The following LEF1 variants were observed in gnomAD, a reference collection of about 807,000 sequenced individuals.
LEF1 encodes the protein lymphoid enhancer binding factor 1, also known as lymphoid enhancer-binding factor 1.
A neutral mutation model predicts 51.2 loss-of-function variants in LEF1; 14 were observed. The observed-to-expected ratio is 0.27, with a 90% CI of 0.18 to 0.43. The LOEUF (loss-of-function observed/expected upper bound fraction) is 0.43, where lower values mean the gene tolerates loss of function less well. Ranked by LOEUF, LEF1 falls within the 20% of genes least tolerant of loss-of-function variation. The pLI is 1.00. For missense variants in LEF1, 386 were observed against 512.0 expected, an observed-to-expected ratio of 0.75 and a Z score of 2.37; for synonymous variants, 185 against 183.2, an observed-to-expected ratio of 1.01 and a Z score of -0.08.
rs545621466 is a variant in LEF1, at chr4:108,104,448, AAAT to A, written c.415-15194_415-15192del. 3.6e-3 allele frequency among the ~76,000 whole-genome samples: 527 copies of A among 147,952 alleles called. 3 individuals are homozygous for A. The highest frequency in any genetic ancestry group is 0.012 in the African/African-American group (497 of 40,778). ...ATTTATATATATATAAAAATACAAT[AAAT>A]ATTATATATAAATTATATATATAAA... On this transcript the variant is annotated intron_variant, in intron 3 of 11. Transcript: ENST00000265165.
At chr4:108,079,644 T>C (rs201030034) in intron 6 of LEF1, 30 bp from the exon 7 acceptor site, 530 of 1,613,168 alleles carry the variant, frequency 3.3e-4, no homozygotes, top group South Asian at 4.6e-4. Context: ...GAAAACAATG[T>C]ACTACTGGCT....
At chr4:108,083,282 T>A in intron 5 of LEF1, 74 bp downstream of exon 5, 1 of 1,013,920 alleles carries the variant, frequency 9.9e-7, no homozygotes, top group Non-Finnish European at 1.6e-6. Flanking sequence ...CATTCATAAA[T>A]CTAATTTCCA....
At chr4:108,112,639 C>T (rs1741602570) in intron 3 of LEF1, among the ~76,000 whole-genome samples, 1 of 152,114 alleles carries the variant, frequency 6.6e-6, no homozygotes, top group Admixed American at 6.6e-5. Flanking sequence ...ATTAAGTGAG[C>T]TGCTATTAGT....
At chr4:108,149,453 C>T (rs866559233) in intron 3 of LEF1, among the ~76,000 whole-genome samples, 27 of 28,084 alleles carry the variant, frequency 9.6e-4, no homozygotes, top group East Asian at 6.5e-3. Context: ...AGCGAGACTC[C>T]GTCTCAAAAA....
intron 3 of LEF1, among the ~76,000 whole-genome samples, chr4:108,102,904 C>A (rs1013695671): frequency 6.6e-6 from 1 of 152,076 alleles, no homozygotes; most frequent in Non-Finnish European, 1.5e-5. Context: ...CTTCCATGAC[C>A]CTTATCTCAT....
chr4:108,076,124 C>G (rs929699633), intron 8 of LEF1, among the ~76,000 whole-genome samples: 2 of 152,214 alleles, frequency 1.3e-5, no homozygotes, highest in Non-Finnish European at 2.9e-5. Context: ...TCTACTTACT[C>G]TCACATCTCA....
chr4:108,059,608 C>T (rs577422211), intron 11 of LEF1, among the ~76,000 whole-genome samples: 2 of 152,316 alleles, frequency 1.3e-5, no homozygotes, highest in Admixed American at 1.3e-4. Context: ...GCATGAGCCA[C>T]TGCTTCTAGC....
At chr4:108,060,710 C>A (rs992338100) in intron 11 of LEF1, among the ~76,000 whole-genome samples, 1 of 152,034 alleles carries the variant, frequency 6.6e-6, no homozygotes, top group African/African-American at 2.4e-5. Flanking sequence ...AAGTTACTCC[C>A]TAACTTATTT....
At chr4:108,126,320 CTGAT>C (rs1742523045) in intron 3 of LEF1, among the ~76,000 whole-genome samples, 1 of 152,082 alleles carries the variant, frequency 6.6e-6, no homozygotes. Context: ...AGGACTTAAA[CTGAT>C]TACAGAATTT....
At chr4:108,075,914 T>C (rs561776926) in intron 8 of LEF1, among the ~76,000 whole-genome samples, 3 of 152,218 alleles carry the variant, frequency 2.0e-5, no homozygotes, top group Non-Finnish European at 4.4e-5. Flanking sequence ...CTCAGGATCA[T>C]ATACATTCTT....
intron 3 of LEF1, among the ~76,000 whole-genome samples, chr4:108,160,319 G>C (rs529166352): frequency 6.6e-6 from 1 of 152,302 alleles, no homozygotes; most frequent in South Asian, 2.1e-4. Flanking sequence ...ATAAAGTTCA[G>C]AGAACGAAAG....
Position 108,154,443 on chromosome 4 carries a change from C to CAAAAA in LEF1, c.414+9120_414+9124dup, listed in dbSNP as rs10672899. 1.9e-3 allele frequency among the ~76,000 whole-genome samples: 136 copies of CAAAAA among 71,838 alleles called. 2 individuals carry two copies. Among genetic ancestry groups the CAAAAA allele is most frequent in the Middle Eastern group, 8.9e-3 (1 of 112 alleles). 47.1% of individuals were successfully genotyped at this position (71,838 alleles called of 152,430 possible). The stretch of plus-strand genomic sequence containing the variant: ...CACAGTATGTAGCACAAGGTAGTAG[C>CAAAAA]AAAAAAAAAAAAAAAAAAAAAAATC... On this transcript the variant is annotated intron_variant, in intron 3 of 11. Coordinates refer to ENST00000265165, the MANE Select transcript of LEF1 (RefSeq NM_016269.5).
chr4:108,157,142 T>C, intron 3 of LEF1, among the ~76,000 whole-genome samples: 1 of 147,552 alleles, frequency 6.8e-6, no homozygotes, highest in Non-Finnish European at 1.5e-5. Flanking sequence ...TATATCTACC[T>C]CTTCATTCTC....
At chr4:108,154,513 T>A (rs1744569601) in intron 3 of LEF1, among the ~76,000 whole-genome samples, 1 of 146,970 alleles carries the variant, frequency 6.8e-6, no homozygotes, top group Non-Finnish European at 1.5e-5. Context: ...CCAAAAAACT[T>A]GAGTTTTAAC....
intron 3 of LEF1, among the ~76,000 whole-genome samples, chr4:108,130,035 C>T (rs543322186): frequency 6.6e-6 from 1 of 152,276 alleles, no homozygotes; most frequent in African/African-American, 2.4e-5. Context: ...ATAGTGATCC[C>T]ATTTTTCATT....
At chr4:108,107,450 A>C (rs994336846) in intron 3 of LEF1, among the ~76,000 whole-genome samples, 1 of 152,082 alleles carries the variant, frequency 6.6e-6, no homozygotes, top group Non-Finnish European at 1.5e-5. Flanking sequence ...ATGCTTTCCA[A>C]AATTTTTATC....
chr4:108,079,512 A>G lies in LEF1; in HGVS notation c.825T>C (p.Thr275=). ...CTTACACGTGCATTAGGTCACTGTC[A>G]GTGTGGGGATGTTCCTGTTTGACCT... is the stretch of plus-strand genomic sequence containing the variant. ...TPQVKQEHPH[T]DSDLMHVKPQ... is the part of the protein sequence containing the mutation. Residue 275 remains threonine, a synonymous_variant, in exon 7 of 12, where the codon ACT becomes ACC. Coordinates refer to ENST00000265165, the MANE Select transcript of LEF1 (RefSeq NM_016269.5). The G allele has an allele frequency of 6.2e-7, 1 of 1,614,098 alleles. No homozygotes were observed. Among genetic ancestry groups the G allele is most frequent in the Non-Finnish European group, 8.5e-7 (1 of 1,180,002 alleles).
chr4:108,078,462 C>A, intron 7 of LEF1, 80 bp from the exon 8 acceptor site: 2 of 1,565,904 alleles, frequency 1.3e-6, no homozygotes, highest in Non-Finnish European at 8.8e-7. Flanking sequence ...AAGCAGAGCA[C>A]CTGCTCACAT....
At chr4:108,160,298 G>T (rs1164327669) in intron 3 of LEF1, among the ~76,000 whole-genome samples, 1 of 152,152 alleles carries the variant, frequency 6.6e-6, no homozygotes, top group Non-Finnish European at 1.5e-5. Context: ...GGCCTACAGG[G>T]ATTTTCATAA....
Sources: allele counts gnomAD v4.1 joint callset (sites outside exome capture counted in the v4.1 genomes callset), GRCh38; gene constraint gnomAD v4.1.1; transcripts MANE v1.5; gene names NCBI Gene and HGNC (gene_info 2026-07-23, HGNC 2026-07-21).